XPO4: variants seen among roughly 807,000 people sequenced by gnomAD.
The protein encoded by XPO4 is exportin 4, also known as exportin-4.
XPO4 carries 39 observed loss-of-function variants against 143.0 expected under a neutral mutation model. The observed-to-expected ratio is 0.27, with a 90% CI of 0.21 to 0.36. The LOEUF (loss-of-function observed/expected upper bound fraction) is 0.36, where lower values mean the gene tolerates loss of function less well. Among genes scored for constraint, XPO4 ranks in the 10% least tolerant of loss-of-function variants. The pLI is 1.00. For synonymous variants in XPO4, 439 were observed against 474.0 expected, an observed-to-expected ratio of 0.93 and a Z score of 0.96; for missense variants, 907 against 1,348.0, an observed-to-expected ratio of 0.67 and a Z score of 5.12.
chr13:20,808,858 T>G lies in XPO4; in HGVS notation c.1493+225A>C, dbSNP rs534033848. On this transcript the variant is annotated intron_variant, in intron 11 of 22. Transcript: ENST00000255305. ...TTTTACTGATATGGGTCAAATCATT[T>G]CTCATACCATGTTTTCCATAATCTC... is the stretch of plus-strand genomic sequence containing the variant. 2.0e-5 allele frequency among the ~76,000 whole-genome samples: 3 copies of G among 152,348 alleles called. No homozygotes were observed. The South Asian group carries it at 6.2e-4, about 32-fold the overall frequency.
chr13:20,881,908 G>T (rs985238748), intron 1 of XPO4, among the ~76,000 whole-genome samples: 4 of 151,916 alleles, frequency 2.6e-5, no homozygotes, highest in African/African-American at 9.7e-5. Flanking sequence ...AGGAGTTTGA[G>T]ACCAGTCTGG....
At chr13:20,850,798 G>A in intron 4 of XPO4, 1 of 985,212 alleles carries the variant, frequency 1.0e-6, no homozygotes, top group Non-Finnish European at 1.2e-6. Flanking sequence ...AAACCAATAT[G>A]CTTCAAAAGC....
chr13:20,852,515 C>G, intron 4 of XPO4: 1 of 985,210 alleles, frequency 1.0e-6, no homozygotes, highest in East Asian at 1.1e-4. Flanking sequence ...ACAAGATTAC[C>G]ATTATACAAC....
At chr13:20,877,994 C>T (rs1300161253) in intron 1 of XPO4, among the ~76,000 whole-genome samples, 1 of 152,114 alleles carries the variant, frequency 6.6e-6, no homozygotes, top group African/African-American at 2.4e-5. Flanking sequence ...GTCAGGAGCT[C>T]AAGACCAGCC....
intron 6 of XPO4, among the ~76,000 whole-genome samples, chr13:20,831,797 T>C (rs1490792864): frequency 7.0e-6 from 1 of 142,418 alleles, no homozygotes; most frequent in Non-Finnish European, 1.5e-5. Flanking sequence ...GGACATTTAG[T>C]ACAGTGATTT....
intron 1 of XPO4, chr13:20,869,666 AGTT>A: frequency 1.4e-6 from 1 of 740,048 alleles, no homozygotes; most frequent in Non-Finnish European, 1.6e-6. Context: ...TAAAAAAAAA[AGTT>A]ATTCACCCAG....
intron 1 of XPO4, among the ~76,000 whole-genome samples, chr13:20,880,261 G>T (rs943531226): frequency 6.6e-6 from 1 of 151,692 alleles, no homozygotes; most frequent in South Asian, 2.1e-4. Context: ...GTGAAACCCC[G>T]TCTCTACTAA....
At chr13:20,850,334 A>G (rs1200536011) in intron 4 of XPO4, 1 of 934,274 alleles carries the variant, frequency 1.1e-6, no homozygotes, top group Admixed American at 6.2e-5. Flanking sequence ...ACTAATGCCT[A>G]GAGAAGTTAA....
At chr13:20,797,421 G>A (rs2059373416) in intron 16 of XPO4, among the ~76,000 whole-genome samples, 1 of 152,162 alleles carries the variant, frequency 6.6e-6, no homozygotes, top group African/African-American at 2.4e-5. Flanking sequence ...TCTACAGAGT[G>A]AAGCCCAATT....
chr13:20,901,101 G>A (rs986460699), intron 1 of XPO4, among the ~76,000 whole-genome samples: 11 of 152,016 alleles, frequency 7.2e-5, no homozygotes, highest in Non-Finnish European at 1.2e-4. Flanking sequence ...GTGTAACCCG[G>A]GCCACTTACA....
intron 6 of XPO4, among the ~76,000 whole-genome samples, chr13:20,832,468 T>C (rs1242572629): frequency 1.3e-5 from 2 of 152,140 alleles, no homozygotes; most frequent in Non-Finnish European, 2.9e-5. Flanking sequence ...ATCTGAAAAT[T>C]TCCTTTGCCT....
chr13:20,875,975 C>T (rs554871865), intron 1 of XPO4, among the ~76,000 whole-genome samples: 26 of 151,500 alleles, frequency 1.7e-4, no homozygotes, highest in African/African-American at 6.1e-4. Flanking sequence ...AGAGGCTAGG[C>T]GAGGTGGCTC....
At chr13:20,872,129 C>T (rs1477873934) in intron 1 of XPO4, among the ~76,000 whole-genome samples, 3 of 152,296 alleles carry the variant, frequency 2.0e-5, no homozygotes, top group East Asian at 3.9e-4. Context: ...ATTCAACAGG[C>T]TGGGAGTCAA....
intron 9 of XPO4, 72 bp downstream of exon 9, chr13:20,821,632 G>A: frequency 2.0e-6 from 3 of 1,468,994 alleles, no homozygotes; most frequent in Non-Finnish European, 2.7e-6. Context: ...TACTTGTCAT[G>A]AGAAATGTTC....
At chr13:20,828,854 G>A (rs1212744987) in intron 6 of XPO4, among the ~76,000 whole-genome samples, 7 of 152,124 alleles carry the variant, frequency 4.6e-5, no homozygotes, top group African/African-American at 7.2e-5. Flanking sequence ...AAGAGGCACC[G>A]ATCATGGTCT....
At chr13:20,872,401 C>T (rs2060307597) in intron 1 of XPO4, among the ~76,000 whole-genome samples, 1 of 152,202 alleles carries the variant, frequency 6.6e-6, no homozygotes, top group Admixed American at 6.5e-5. Context: ...CCTTTATTTG[C>T]TGCCCCCTAC....
At position 20,813,948 on chromosome 13, in the gene XPO4, A is replaced by C. The variant is rs1372904790; in HGVS notation, c.1174-3981T>G. On this transcript the variant is annotated intron_variant, in intron 9 of 22. Coordinates refer to ENST00000255305, the MANE Select transcript of XPO4 (RefSeq NM_022459.5). The stretch of plus-strand genomic sequence containing the variant: ...ACTTCAGCTTGGGTGACAGAGCAAG[A>C]CGCTGTCTCAAAAAAAAAAAAAAAA... 2.7e-5 allele frequency among the ~76,000 whole-genome samples: 4 copies of C among 150,416 alleles called. No homozygotes were observed. In the Admixed American group the frequency reaches 2.7e-4, roughly 10 times the overall value.
At chr13:20,821,310 C>CAAA (rs11414490) in intron 9 of XPO4, among the ~76,000 whole-genome samples, 24 of 142,642 alleles carry the variant, frequency 1.7e-4, no homozygotes, top group African/African-American at 5.4e-4. Context: ...AAAAAATTCT[C>CAAA]AAAAAAAAAA....
At chr13:20,845,798 G>A (rs1023649015) in intron 4 of XPO4, among the ~76,000 whole-genome samples, 1 of 152,148 alleles carries the variant, frequency 6.6e-6, no homozygotes, top group South Asian at 2.1e-4. Flanking sequence ...GGGGAAAGTA[G>A]ATGTTAAATC....
Sources: gnomAD v4.1 joint callset for allele counts (sites outside exome capture counted in the v4.1 genomes callset) on GRCh38, gnomAD v4.1.1 for gene constraint, MANE v1.5 for transcripts, NCBI Gene and HGNC (gene_info 2026-07-23, HGNC 2026-07-21) for gene names.